The following ZNF488 variants were observed in gnomAD, a reference collection of about 807,000 sequenced individuals.
ZNF488 encodes zinc finger protein 488.
ZNF488 carries 1 observed loss-of-function variant against 1.2 expected under a neutral mutation model. The observed-to-expected ratio is 0.86, with a 90% CI of 0.30 to 4.07. ZNF488 has a LOEUF of 4.07. Ranked by LOEUF, ZNF488 falls within the 30% of genes most tolerant of loss-of-function variation. The probability of loss-of-function intolerance (pLI) is 0.18; values close to 1 mark genes in which losing one functional copy is unlikely to be tolerated. For missense variants in ZNF488, 450 were observed against 437.9 expected (o/e 1.03, Z -0.25); for synonymous variants, 185 against 190.1 (o/e 0.97, Z 0.22).
rs1555212854 is a variant in ZNF488, at chr10:47,366,721, TA to T, written c.*1085del. The T allele has an allele frequency of 6.0e-6, 1 of 167,018 alleles. No individual in the cohort carries two copies. Among genetic ancestry groups the T allele is most frequent in the Non-Finnish European group, 1.5e-5 (1 of 68,120 alleles). 10.3% of individuals were successfully genotyped at this position (167,018 alleles called of 1,614,324 possible). ...CTACTGACCGAAACGCAGTAGATAATAAATGGTACCTAGAATGCTCCCCAGC... is the reference window on the plus strand; with the variant it reads ...CTACTGACCGAAACGCAGTAGATAATAATGGTACCTAGAATGCTCCCCAGC... On this transcript the variant is annotated 3_prime_UTR_variant, in exon 2 of 2. Coordinates refer to ENST00000585316, the MANE Select transcript of ZNF488 (RefSeq NM_153034.4).
intron 1 of ZNF488, among the ~76,000 whole-genome samples, chr10:47,380,273 C>G (rs1434402694): frequency 1.3e-5 from 2 of 152,236 alleles, no homozygotes; most frequent in Admixed American, 6.5e-5. Context: ...CTGAGCCACA[C>G]AGATGTCTCT....
chr10:47,373,769 TCTC>T (rs2132290882), intron 1 of ZNF488, among the ~76,000 whole-genome samples: 1 of 152,260 alleles, frequency 6.6e-6, no homozygotes, highest in Non-Finnish European at 1.5e-5. Flanking sequence ...GGAACATCAC[TCTC>T]CTAACTAAAA....
chr10:47,383,106 G>C (rs373252239), intron 1 of ZNF488, among the ~76,000 whole-genome samples: 3 of 152,250 alleles, frequency 2.0e-5, no homozygotes, highest in African/African-American at 4.8e-5. Flanking sequence ...AAAAGAATGA[G>C]ACTTGATTTT....
chr10:47,377,761 T>C (rs1837746196), intron 1 of ZNF488, among the ~76,000 whole-genome samples: 1 of 149,642 alleles, frequency 6.7e-6, no homozygotes, highest in African/African-American at 2.5e-5. Flanking sequence ...CCCCTGCACC[T>C]GTCAGCATCT....
Position 47,384,290 on chromosome 10 carries a change from G to T in ZNF488, c.-179C>A, listed in dbSNP as rs1555215900. The T allele has an allele frequency of 6.6e-6, 1 of 152,278 alleles. No individual in the cohort carries two copies. Among genetic ancestry groups the T allele is most frequent in the Non-Finnish European group, 1.5e-5 (1 of 68,104 alleles). The allele number at this position is 152,278 out of a possible 1,614,324, so 9.4% of individuals were successfully genotyped here. ...GCCTCCTCCCGGCCAAGAGCACTGC[G>T]CGTGGCTCTGAACTTGGCGCCGGAG... On this transcript the variant is annotated 5_prime_UTR_variant, in exon 1 of 2. Transcript: ENST00000585316.
At chr10:47,383,440 G>T (rs1838060201) in intron 1 of ZNF488, among the ~76,000 whole-genome samples, 1 of 152,170 alleles carries the variant, frequency 6.6e-6, no homozygotes, top group Non-Finnish European at 1.5e-5. Context: ...GCATTGCATA[G>T]CCTGCCCAGA....
rs782597739 is a variant in ZNF488 at position 47,376,277 on chromosome 10, G to A, written c.-108-7340C>T. Among the ~76,000 whole-genome samples, 7 of 152,132 alleles carry A rather than the reference G, an allele frequency of 4.6e-5. No homozygotes were observed. The South Asian group carries it at 1.4e-3, about 32-fold the overall frequency. On this transcript the variant is annotated intron_variant, in intron 1 of 1. Transcript: ENST00000585316. ...TCTCTGGGTGTTGATGGATGAATAC[G>A]AGTTCACCAATCAGGGATGGTAAGA...
At chr10:47,382,604 T>C (rs375944769) in intron 1 of ZNF488, among the ~76,000 whole-genome samples, 1 of 152,132 alleles carries the variant, frequency 6.6e-6, no homozygotes. Context: ...AGGGATTAGA[T>C]ATAAAGGCAA....
Position 47,366,913 on chromosome 10 carries a change from C to T in ZNF488, c.*894G>A, listed in dbSNP as rs1555212872. ...TGGAATTACCTGTCCCAATTCCTCA[C>T]CCTCCTGTGGAGGGGATGGATGGTC... On this transcript the variant is annotated 3_prime_UTR_variant, in exon 2 of 2. Transcript: ENST00000585316. 6.0e-6 allele frequency: 1 copy of T among 167,050 alleles called. No individual in the cohort carries two copies. The highest frequency in any genetic ancestry group is 2.4e-5 in the African/African-American group (1 of 41,436). The allele number at this position is 167,050 out of a possible 1,614,324, so 10.3% of individuals were successfully genotyped here.
chr10:47,370,717 C>A (rs1469160493), intron 1 of ZNF488, among the ~76,000 whole-genome samples: 1 of 152,218 alleles, frequency 6.6e-6, no homozygotes, highest in African/African-American at 2.4e-5. Flanking sequence ...AAGCACTGTG[C>A]AGCCTCGGAC....
At chr10:47,379,909 C>T (rs916189370) in intron 1 of ZNF488, among the ~76,000 whole-genome samples, 4 of 12,096 alleles carry the variant, frequency 3.3e-4, no homozygotes, top group Non-Finnish European at 7.6e-4. Flanking sequence ...CTGCAGCCCA[C>T]GCTACGTGGC....
chr10:47,377,551 ACT>A (rs1189965213), intron 1 of ZNF488, among the ~76,000 whole-genome samples: 2 of 151,840 alleles, frequency 1.3e-5, no homozygotes, highest in African/African-American at 2.4e-5. Flanking sequence ...AAACACAGAC[ACT>A]CACACACACA....
Position 47,367,781 on chromosome 10 carries a change from C to T in ZNF488, c.*26G>A. ...CTCTGCCAAAGGCTGGCTGCTGCAC[C>T]CAGCAGGTCATTCTGCGGTCACCTG... is the stretch of plus-strand genomic sequence containing the variant. On this transcript the variant is annotated 3_prime_UTR_variant, in exon 2 of 2. Transcript: ENST00000585316. 1.3e-6 allele frequency: 2 copies of T among 1,585,690 alleles called. No individual in the cohort carries two copies. The highest frequency in any genetic ancestry group is 1.7e-6 in the Non-Finnish European group (2 of 1,166,102).
chr10:47,368,234 G>C lies in ZNF488; in HGVS notation c.596C>G (p.Thr199Arg). Residue 199 changes from threonine to arginine, a missense_variant, in exon 2 of 2, where the codon ACA becomes AGA. Physicochemically the swap from Thr to Arg is moderately conservative, Grantham distance 71. Coordinates refer to ENST00000585316, the MANE Select transcript of ZNF488 (RefSeq NM_153034.4). ...LGELSGLLNT[T>R]DLACWGRLST... ...AAGTCGACCCCAACAAGCGAGGTCT[G>C]TAGTGTTGAGGAGTCCAGACAGCTC... The C allele has an allele frequency of 1.2e-6, 2 of 1,614,232 alleles. No individual in the cohort carries two copies. Among genetic ancestry groups the C allele is most frequent in the Non-Finnish European group, 1.7e-6 (2 of 1,180,038 alleles).
chr10:47,377,172 T>A (rs1837709875), intron 1 of ZNF488, among the ~76,000 whole-genome samples: 1 of 152,214 alleles, frequency 6.6e-6, no homozygotes, highest in Non-Finnish European at 1.5e-5. Flanking sequence ...TTAAACCAGC[T>A]GACAGGAAAG....
chr10:47,379,165 T>G (rs1480958302), intron 1 of ZNF488, among the ~76,000 whole-genome samples: 29 of 152,196 alleles, frequency 1.9e-4, no homozygotes, highest in Non-Finnish European at 1.2e-4. Flanking sequence ...GAAGTTACCA[T>G]TTATCGGCTA....
intron 1 of ZNF488, among the ~76,000 whole-genome samples, chr10:47,379,914 C>T (rs1045399049): frequency 1.4e-5 from 2 of 145,640 alleles, no homozygotes; most frequent in Middle Eastern, 3.5e-3. Context: ...GCCCACGCTA[C>T]GTGGCTCCTG....
intron 1 of ZNF488, among the ~76,000 whole-genome samples, chr10:47,370,079 G>A (rs1837407443): frequency 6.6e-6 from 1 of 152,230 alleles, no homozygotes. Context: ...TGCACAGAGA[G>A]GAGAATGTGA....
chr10:47,367,960 C>G lies in ZNF488; in HGVS notation c.870G>C (p.Leu290=), dbSNP rs376227686. Residue 290 remains leucine, a synonymous_variant, in exon 2 of 2, where the codon CTG becomes CTC. Transcript: ENST00000585316. The part of the protein sequence containing the change: ...CNLSFRLTSD[L]VFHMRSHHKK... ...TGTGGTGGGATCGCATGTGAAAGAC[C>G]AGGTCGGACGTTAGGCGAAAGGACA... The G allele has an allele frequency of 4.3e-6, 7 of 1,613,986 alleles. No individual in the cohort carries two copies. In the African/African-American group the frequency reaches 5.3e-5, roughly 12 times the overall value.
Sources: gnomAD v4.1 joint callset for allele counts (sites outside exome capture counted in the v4.1 genomes callset) on GRCh38, gnomAD v4.1.1 for gene constraint, MANE v1.5 for transcripts, NCBI Gene and HGNC (gene_info 2026-07-23, HGNC 2026-07-21) for gene names.